Variants in RCAN2 observed in about 807,000 individuals in gnomAD.
RCAN2 encodes the protein regulator of calcineurin 2, also known as calcipressin-2.
A neutral mutation model predicts 23.6 loss-of-function variants in RCAN2; 9 were observed. That is an observed-to-expected ratio of 0.38 (90% CI 0.23 to 0.67). The LOEUF (loss-of-function observed/expected upper bound fraction) is 0.67. Ranked by LOEUF, RCAN2 falls within the 30% of genes least tolerant of loss-of-function variation. The pLI, the probability that RCAN2 is intolerant of heterozygous loss-of-function variation, is 0.51. For missense variants in RCAN2, 273 were observed against 302.3 expected (o/e 0.90, Z 0.72); for synonymous variants, 109 against 115.7 (o/e 0.94, Z 0.37).
intron 2 of RCAN2, among the ~76,000 whole-genome samples, chr6:46,272,320 C>A (rs932975450): frequency 1.3e-5 from 2 of 152,170 alleles, no homozygotes; most frequent in Non-Finnish European, 2.9e-5. Context: ...TGCCCCTCAC[C>A]TTCAGCCGAG....
chr6:46,273,952 T>G (rs4714916), intron 2 of RCAN2, among the ~76,000 whole-genome samples: 118,983 of 151,694 alleles, frequency 0.78, 46,960 homozygotes, highest in Non-Finnish European at 0.83. Context: ...CCTGTAGTCG[T>G]CTCTATGAAA....
At chr6:46,230,017 G>A (rs1351440309) in intron 4 of RCAN2, among the ~76,000 whole-genome samples, 1 of 152,208 alleles carries the variant, frequency 6.6e-6, no homozygotes, top group East Asian at 1.9e-4. Context: ...TCAGCTGCAG[G>A]TCTGTTGGAG....
chr6:46,422,437 C>T (rs539877610), intron 2 of RCAN2, among the ~76,000 whole-genome samples: 42 of 152,090 alleles, frequency 2.8e-4, no homozygotes, highest in African/African-American at 9.9e-4. Flanking sequence ...TATAGTAACA[C>T]AAATGGACTA....
intron 2 of RCAN2, among the ~76,000 whole-genome samples, chr6:46,440,611 T>G (rs1414053642): frequency 6.6e-6 from 1 of 152,006 alleles, no homozygotes; most frequent in Non-Finnish European, 1.5e-5. Context: ...ATATTACATA[T>G]ATACATAATT....
chr6:46,425,610 A>G (rs1767008771), intron 2 of RCAN2, among the ~76,000 whole-genome samples: 1 of 152,148 alleles, frequency 6.6e-6, no homozygotes, highest in South Asian at 2.1e-4. Context: ...CTTCTTGCTC[A>G]TTTTCTACAA....
At chr6:46,256,138 G>A (rs1766907727) in intron 2 of RCAN2, among the ~76,000 whole-genome samples, 1 of 152,110 alleles carries the variant, frequency 6.6e-6, no homozygotes, top group Non-Finnish European at 1.5e-5. Context: ...GGGAGGCCGA[G>A]GCAGGAGGAT....
intron 2 of RCAN2, among the ~76,000 whole-genome samples, chr6:46,341,917 T>C (rs1297648264): frequency 6.6e-6 from 1 of 152,082 alleles, no homozygotes; most frequent in African/African-American, 2.4e-5. Flanking sequence ...AGGAAGGAAA[T>C]GTAAGAAGCC....
At chr6:46,223,836 T>C (rs968308765) in intron 4 of RCAN2, among the ~76,000 whole-genome samples, 1 of 152,186 alleles carries the variant, frequency 6.6e-6, no homozygotes, top group South Asian at 2.1e-4. Context: ...TAGATGACCA[T>C]CAAGGCCCTT....
chr6:46,451,625 T>G (rs558624194), intron 2 of RCAN2, among the ~76,000 whole-genome samples: 5 of 152,196 alleles, frequency 3.3e-5, no homozygotes, highest in Non-Finnish European at 7.4e-5. Flanking sequence ...TTGAAAATCC[T>G]TTAGGATGCT....
chr6:46,450,929 A>T lies in RCAN2; in HGVS notation c.225+5823T>A, dbSNP rs183703193. ...AAGGTAGATTTTATATATTCTCCCC[A>T]CGAAAAAGTAATAAGTATGGGAGGT... On this transcript the variant is annotated intron_variant, in intron 2 of 4. Coordinates refer to ENST00000371374, the MANE Select transcript of RCAN2 (RefSeq NM_001251974.2). Among the ~76,000 whole-genome samples, 63 of 152,204 alleles carry T rather than the reference A, an allele frequency of 4.1e-4. 1 individual carries two copies. Among genetic ancestry groups the T allele is most frequent in the African/African-American group, 1.4e-3 (60 of 41,568 alleles).
At chr6:46,314,359 C>CAAAAAAAAAAAAAAAAAAAAAAAA (rs537111154) in intron 2 of RCAN2, among the ~76,000 whole-genome samples, 1 of 92,218 alleles carries the variant, frequency 1.1e-5, no homozygotes, top group Non-Finnish European at 2.3e-5. Context: ...GAGACTCTGT[C>CAAAAAAAAAAAAAAAAAAAAAAAA]AAAAAAAAAA....
Position 46,386,099 on chromosome 6 carries a change from G to A in RCAN2, c.225+70653C>T, listed in dbSNP as rs536229395. 2.6e-5 allele frequency among the ~76,000 whole-genome samples: 4 copies of A among 152,186 alleles called. No homozygotes were observed. In the South Asian group the frequency reaches 8.3e-4, roughly 32 times the overall value. ...CGAGCAGGCAACCTAGAGAACGGGA[G>A]AACATTTTTGCAATCTACCCTTCTG... On this transcript the variant is annotated intron_variant, in intron 2 of 4. Transcript: ENST00000371374.
At chr6:46,441,829 C>G (rs966740466) in intron 2 of RCAN2, among the ~76,000 whole-genome samples, 10 of 152,026 alleles carry the variant, frequency 6.6e-5, no homozygotes, top group Non-Finnish European at 1.3e-4. Context: ...GGTTGAACAC[C>G]ATAAGCACAA....
chr6:46,409,727 C>T (rs562416368), intron 2 of RCAN2, among the ~76,000 whole-genome samples: 4 of 152,286 alleles, frequency 2.6e-5, no homozygotes, highest in Admixed American at 6.5e-5. Flanking sequence ...CTTTTCTGTA[C>T]ATAAACGTTC....
chr6:46,273,906 C>T (rs537779839), intron 2 of RCAN2, among the ~76,000 whole-genome samples: 73 of 151,806 alleles, frequency 4.8e-4, no homozygotes, highest in African/African-American at 1.5e-3. Context: ...TGTGAACAAG[C>T]CTAATCCTTG....
intron 1 of RCAN2, among the ~76,000 whole-genome samples, chr6:46,481,527 C>T (rs1768859755): frequency 6.6e-6 from 1 of 152,142 alleles, no homozygotes; most frequent in Admixed American, 6.5e-5. Context: ...ATAATTCTTA[C>T]TCTGATTATT....
intron 2 of RCAN2, among the ~76,000 whole-genome samples, chr6:46,352,113 C>T (rs1039789901): frequency 1.3e-5 from 2 of 152,192 alleles, no homozygotes; most frequent in African/African-American, 4.8e-5. Flanking sequence ...CCCCAGTGGG[C>T]TAAGGACATT....
chr6:46,249,185 G>A (rs1385905206), intron 2 of RCAN2, among the ~76,000 whole-genome samples: 2 of 151,828 alleles, frequency 1.3e-5, no homozygotes, highest in Non-Finnish European at 2.9e-5. Context: ...CTGTAGAGGA[G>A]AGGGATCATA....
At chr6:46,276,688 A>G (rs1041030015) in intron 2 of RCAN2, among the ~76,000 whole-genome samples, 12 of 152,238 alleles carry the variant, frequency 7.9e-5, no homozygotes, top group African/African-American at 2.9e-4. Flanking sequence ...AAGCTCGTAC[A>G]TAAGGACTTT....
Sources: gnomAD v4.1 joint callset for allele counts (sites outside exome capture counted in the v4.1 genomes callset) on GRCh38, gnomAD v4.1.1 for gene constraint, MANE v1.5 for transcripts, NCBI Gene and HGNC (gene_info 2026-07-23, HGNC 2026-07-21) for gene names.